RP1: variants seen among roughly 807,000 people sequenced by gnomAD.
The protein encoded by RP1 is oxygen-regulated protein 1.
A neutral mutation model predicts 14.8 loss-of-function variants in RP1; 16 were observed. The ratio of observed to expected loss-of-function variants is 1.08; its 90% CI spans 0.73 to 1.65. RP1 has a LOEUF of 1.65. RP1 is among the 40% of genes most tolerant of loss of function. The pLI, the probability that RP1 is intolerant of heterozygous loss-of-function variation, is 0.00. For synonymous variants in RP1, 876 were observed against 883.6 expected (o/e 0.99, Z 0.15); for missense variants, 2,631 against 2,535.0 (o/e 1.04, Z -0.81).
chr8:54,629,048 T>C lies in RP1; in HGVS notation c.5166T>C (p.Gly1722=), dbSNP rs1004446396. The C allele has an allele frequency of 1.9e-6, 3 of 1,613,936 alleles. No homozygotes were observed. The highest frequency in any genetic ancestry group is 2.5e-6 in the Non-Finnish European group (3 of 1,179,970). Residue 1722 remains glycine, a synonymous_variant, in exon 4 of 4, where the codon GGT becomes GGC. Transcript: ENST00000220676. The stretch of plus-strand genomic sequence containing the variant: ...GTAGGGGTGACATTGTAGAACCTGG[T>C]ACAAAACAAAATGATGATAGCAGAA... ...NYCRGDIVEP[G]TKQNDDSRIL...
chr8:54,696,654 C>A, intron 12 of RP1: 1 of 823,486 alleles, frequency 1.2e-6, no homozygotes, highest in Non-Finnish European at 2.0e-6. Context: ...GATAAACATT[C>A]CTTGGCCTTT....
At chr8:54,701,788 T>C (rs1808027113) in intron 14 of RP1, 1 of 822,580 alleles carries the variant, frequency 1.2e-6, no homozygotes, top group South Asian at 1.8e-5. Context: ...GTGGCATTGG[T>C]GCCTATTTCC....
intron 24 of RP1, among the ~76,000 whole-genome samples, chr8:54,789,573 C>G (rs138971037): frequency 6.6e-6 from 1 of 152,136 alleles, no homozygotes; most frequent in Admixed American, 6.5e-5. Flanking sequence ...TCCAGCCTAC[C>G]GTGAAGCCCA....
intron 24 of RP1, among the ~76,000 whole-genome samples, chr8:54,807,334 T>C (rs1008885961): frequency 3.9e-5 from 6 of 152,200 alleles, no homozygotes; most frequent in African/African-American, 1.4e-4. Flanking sequence ...GGAAATTTTA[T>C]TTTCCTTTTT....
At chr8:54,663,647 C>T (rs1488545946) in intron 6 of RP1, 5 of 1,392,186 alleles carry the variant, frequency 3.6e-6, no homozygotes, top group Non-Finnish European at 4.6e-6. Context: ...ATGTAATTTT[C>T]TGTTATATGA....
chr8:54,833,775 T>C (rs1233570647), intron 24 of RP1, among the ~76,000 whole-genome samples: 1 of 151,964 alleles, frequency 6.6e-6, no homozygotes, highest in Admixed American at 6.6e-5. Flanking sequence ...ATTAAAAAAA[T>C]ACACACACAA....
At chr8:54,562,177 A>C (rs1179294871) in intron 1 of RP1, among the ~76,000 whole-genome samples, 3 of 152,356 alleles carry the variant, frequency 2.0e-5, no homozygotes, top group African/African-American at 7.2e-5. Flanking sequence ...AAAACTCCGA[A>C]TTTAAAATTT....
chr8:54,833,231 G>C (rs1212202285), intron 24 of RP1, among the ~76,000 whole-genome samples: 1 of 151,890 alleles, frequency 6.6e-6, no homozygotes, highest in Non-Finnish European at 1.5e-5. Context: ...AGATTAGACT[G>C]TGTGTTTCTG....
At chr8:54,608,668 T>C (rs1434768324) in intron 1 of RP1, among the ~76,000 whole-genome samples, 1 of 152,202 alleles carries the variant, frequency 6.6e-6, no homozygotes, top group East Asian at 1.9e-4. Context: ...ATGCTGCACA[T>C]GTACCTCTGA....
At chr8:54,775,856 C>A (rs1185310778) in intron 23 of RP1, among the ~76,000 whole-genome samples, 1 of 152,076 alleles carries the variant, frequency 6.6e-6, no homozygotes, top group Non-Finnish European at 1.5e-5. Context: ...TCCTAATGAC[C>A]AGCACACAGT....
chr8:54,629,335 A>G lies in RP1; in HGVS notation c.5453A>G (p.Tyr1818Cys). The change falls in exon 4 of 4, where the codon TAC becomes TGC. Residue 1818 changes from tyrosine to cysteine, a missense_variant. By Grantham distance (194) the Tyr-to-Cys change is radical (BLOSUM62 -2). Coordinates refer to ENST00000220676, the MANE Select transcript of RP1 (RefSeq NM_006269.2). ...CAACCCCTTGAACTAAAATGCAATT[A>G]CTTTAACATGCCTCATGGTAGTGAC... is the stretch of plus-strand genomic sequence containing the variant. The part of the protein sequence containing the change: ...LTQPLELKCN[Y>C]FNMPHGSDSE... 1 of 1,614,068 alleles carries G rather than the reference A, an allele frequency of 6.2e-7. No homozygotes were observed.
intron 1 of RP1, among the ~76,000 whole-genome samples, chr8:54,571,588 T>C (rs1804524565): frequency 6.6e-6 from 1 of 152,202 alleles, no homozygotes; most frequent in African/African-American, 2.4e-5. Context: ...TCAGCTCAAG[T>C]CTTCCTTTTC....
chr8:54,589,439 G>A (rs188933943), intron 1 of RP1, among the ~76,000 whole-genome samples: 2 of 152,190 alleles, frequency 1.3e-5, no homozygotes, highest in East Asian at 3.9e-4. Context: ...GAAATAAAGG[G>A]ATTTTCCAAT....
rs757710923 is a variant in RP1, at chr8:54,624,656, T to G, written c.788-14T>G. The G allele has an allele frequency of 1.9e-5, 30 of 1,613,486 alleles. No individual in the cohort carries two copies. Among genetic ancestry groups the G allele is most frequent in the Non-Finnish European group, 2.5e-5 (30 of 1,179,778 alleles). ...TTTTGATGTGGGCACCTTTTACTCTTAAAATCTTTAAAGTAAGCACACATA... is the reference window on the plus strand; with the variant it reads ...TTTTGATGTGGGCACCTTTTACTCTGAAAATCTTTAAAGTAAGCACACATA... On this transcript the variant is annotated splice_polypyrimidine_tract_variant and intron_variant, in intron 3 of 3. Transcript: ENST00000220676.
rs568629407 is a variant in RP1 at position 54,864,306 on chromosome 8, C to G, written c.4070-1529C>G. ...AAAGAAAAAAATATTGTAAGCTGAT[C>G]CAAATTTAGGAGTTTAATAATTTGC... On this transcript the variant is annotated intron_variant, in intron 27 of 28. Coordinates refer to the RP1 transcript ENST00000637698. Among the ~76,000 whole-genome samples the G allele has an allele frequency of 5.9e-5, 9 of 152,092 alleles. No individual in the cohort carries two copies. The East Asian group carries it at 9.7e-4, about 16-fold the overall frequency.
chr8:54,829,915 T>G (rs941925168), intron 24 of RP1, among the ~76,000 whole-genome samples: 1 of 152,194 alleles, frequency 6.6e-6, no homozygotes, highest in Non-Finnish European at 1.5e-5. Flanking sequence ...TAAACCAGTA[T>G]AAATTTCTCT....
chr8:54,677,132 G>A (rs934518491), intron 8 of RP1, among the ~76,000 whole-genome samples: 2 of 151,418 alleles, frequency 1.3e-5, no homozygotes, highest in East Asian at 1.9e-4. Context: ...GGCTATTCTG[G>A]TTTACCTATG....
intron 22 of RP1, among the ~76,000 whole-genome samples, chr8:54,769,111 G>T (rs1038188811): frequency 3.9e-5 from 6 of 151,900 alleles, no homozygotes; most frequent in Non-Finnish European, 8.8e-5. Context: ...AGCCAGGATG[G>T]TCTCGATCTC....
chr8:54,719,686 A>G (rs1229821935), intron 15 of RP1, among the ~76,000 whole-genome samples: 4 of 152,220 alleles, frequency 2.6e-5, no homozygotes, highest in Non-Finnish European at 5.9e-5. Context: ...TGAAAATTCA[A>G]TCTGGAAAAT....
Sources: gnomAD v4.1 joint callset for allele counts (sites outside exome capture counted in the v4.1 genomes callset) on GRCh38, gnomAD v4.1.1 for gene constraint, MANE v1.5 for transcripts, NCBI Gene and HGNC (gene_info 2026-07-23, HGNC 2026-07-21) for gene names.